The following GLI3 variants were observed in gnomAD, a reference collection of about 807,000 sequenced individuals.
GLI3 encodes transcription activator GLI3.
GLI3 carries 20 observed loss-of-function variants against 100.8 expected under a neutral mutation model. The ratio of observed to expected loss-of-function variants is 0.20; its 90% CI spans 0.14 to 0.29. The LOEUF (loss-of-function observed/expected upper bound fraction) is 0.29. Among genes scored for constraint, GLI3 ranks in the 10% least tolerant of loss-of-function variants. The pLI is 1.00. For synonymous variants in GLI3, 938 were observed against 860.5 expected, an observed-to-expected ratio of 1.09 and a Z score of -1.58; for missense variants, 2,040 against 2,128.5, an observed-to-expected ratio of 0.96 and a Z score of 0.82.
chr7:42,183,933 T>C (rs1787668824), intron 2 of GLI3, among the ~76,000 whole-genome samples: 1 of 152,158 alleles, frequency 6.6e-6, no homozygotes, highest in East Asian at 1.9e-4. Flanking sequence ...GAGCCAGAAA[T>C]GTAAGCCTGG....
rs768158142 is a variant in GLI3 at position 41,964,630 on chromosome 7, G to A, written c.4443C>T (p.Ser1481=). ...TGCTTGTCACCTGATTAGCACCTGG[G>A]GAAAGTAACTCAGAGTTTTTGGCGC... ...GTSAKNSELL[S]PGANQVTSTV... Residue 1481 remains serine (S), a synonymous_variant, in exon 15 of 15, where the codon TCC becomes TCT. Transcript: ENST00000395925. The A allele has an allele frequency of 8.7e-6, 14 of 1,613,960 alleles. No individual in the cohort carries two copies. Among genetic ancestry groups the A allele is most frequent in the Non-Finnish European group, 1.2e-5 (14 of 1,179,916 alleles).
intron 4 of GLI3, among the ~76,000 whole-genome samples, chr7:42,069,084 C>T (rs1784734561): frequency 6.6e-6 from 1 of 152,152 alleles, no homozygotes; most frequent in African/African-American, 2.4e-5. Flanking sequence ...CGGCGGCTTC[C>T]GGTTCAGTGA....
Position 41,966,181 on chromosome 7 carries a change from G to A in GLI3, c.2892C>T (p.Leu964=), listed in dbSNP as rs1037278862. Residue 964 remains leucine, a synonymous_variant, in exon 15 of 15, where the codon CTC becomes CTT. Coordinates refer to ENST00000395925, the MANE Select transcript of GLI3 (RefSeq NM_000168.6). The surrounding 1 kb of genome is among the most constrained non-coding windows in gnomAD (Gnocchi z 5.8). ...CTGGAGGCAGGGCCACGCCAGGCTC[G>A]AGGGCATCCCCGAGCAGCGCCAGGC... ...KTRLALLGDA[L]EPGVALPPVH... is the part of the protein sequence containing the mutation. 4.4e-6 allele frequency: 7 copies of A among 1,603,586 alleles called. No individual in the cohort carries two copies. In the South Asian group the frequency reaches 4.4e-5, roughly 10 times the overall value.
chr7:42,205,097 C>G (rs901842770), intron 2 of GLI3, among the ~76,000 whole-genome samples: 1 of 152,182 alleles, frequency 6.6e-6, no homozygotes, highest in Non-Finnish European at 1.5e-5. Flanking sequence ...ACACCTCAGA[C>G]GGTGACACTT....
At position 41,965,949 on chromosome 7, in the gene GLI3, G is replaced by A. The variant is rs944758206; in HGVS notation, c.3124C>T (p.Arg1042Cys). ...GTGTAATTCTGAAGCACGAGACTGC[G>A]CTTCTCCGCGGACGTGGCCATCGCC... ...PPAMATSAEK[R>C]SLVLQNYTRP... is the part of the protein sequence containing the mutation. Residue 1042 changes from arginine (R) to cysteine (C), a missense_variant, in exon 15 of 15, where the codon CGC becomes TGC. By Grantham distance (180) the Arg-to-Cys change is radical. Around this residue, in one of 5 missense-constraint regions of GLI3, gnomAD observed 1,041 missense variants for 924.0 expected, o/e 1.13. Coordinates refer to ENST00000395925, the MANE Select transcript of GLI3 (RefSeq NM_000168.6). 6.2e-7 allele frequency: 1 copy of A among 1,611,700 alleles called. No homozygotes were observed.
intron 3 of GLI3, chr7:42,113,759 T>C (rs6463091): frequency 0.96 from 518,647 of 542,350 alleles, 249,024 homozygotes; most frequent in East Asian, 1. Flanking sequence ...CACTTCATTG[T>C]TGTTTTTGGA....
chr7:42,014,279 A>G (rs901611379), intron 10 of GLI3, among the ~76,000 whole-genome samples: 1 of 152,180 alleles, frequency 6.6e-6, no homozygotes. Flanking sequence ...CTCCCATGAC[A>G]TGGTGCTACT....
At chr7:41,971,395 A>G (rs1244862736) in intron 13 of GLI3, among the ~76,000 whole-genome samples, 3 of 152,220 alleles carry the variant, frequency 2.0e-5, no homozygotes, top group Non-Finnish European at 4.4e-5. Flanking sequence ...AATCCATTCT[A>G]CGCATGGCCA....
At chr7:42,131,784 A>G (rs1474687878) in intron 3 of GLI3, among the ~76,000 whole-genome samples, 1 of 152,224 alleles carries the variant, frequency 6.6e-6, no homozygotes, top group Non-Finnish European at 1.5e-5. Flanking sequence ...ACACTCTTTA[A>G]AGTTATAAAA....
intron 7 of GLI3, among the ~76,000 whole-genome samples, chr7:42,037,168 C>T (rs1345374495): frequency 6.6e-6 from 1 of 152,070 alleles, no homozygotes; most frequent in South Asian, 2.1e-4. Flanking sequence ...ATAATAACAC[C>T]ACTTGCTTTG....
chr7:42,005,016 C>T lies in GLI3; in HGVS notation c.1497+18452G>A, dbSNP rs548871796. The stretch of plus-strand genomic sequence containing the variant: ...TGGCAAAAAGAGTGGTGAGAAAAAC[C>T]GTAAATTACACACAACGATTCAGTG... On this transcript the variant is annotated intron_variant, in intron 10 of 14. Coordinates refer to ENST00000395925, the MANE Select transcript of GLI3 (RefSeq NM_000168.6). Among the ~76,000 whole-genome samples the T allele has an allele frequency of 3.3e-5, 5 of 151,944 alleles. No individual in the cohort carries two copies. In the East Asian group the frequency reaches 7.7e-4, roughly 23 times the overall value.
intron 10 of GLI3, among the ~76,000 whole-genome samples, chr7:41,983,628 C>T (rs985102027): frequency 1.1e-4 from 17 of 151,928 alleles, no homozygotes; most frequent in African/African-American, 2.4e-5. Context: ...CAAACTAATC[C>T]AACACATAGA....
chr7:42,052,510 G>C (rs370237489), intron 4 of GLI3, among the ~76,000 whole-genome samples: 2 of 152,198 alleles, frequency 1.3e-5, no homozygotes, highest in African/African-American at 2.4e-5. Flanking sequence ...CCTCACTCAA[G>C]CATCAGTTTC....
chr7:41,966,017 G>A lies in GLI3; in HGVS notation c.3056C>T (p.Pro1019Leu), dbSNP rs769027198. ...VRTGSEGLALPRVPRFSSLSS... is the reference protein window; with the variant it reads ...VRTGSEGLALLRVPRFSSLSS... ...GAGGCTGCTGAAGCGCGGCACACGA[G>A]GCAGGGCCAGGCCCTCGGAGCCTGT... The change falls in exon 15 of 15, where the codon CCT becomes CTT. Residue 1019 changes from proline to leucine, a missense_variant. Pro to Leu is a moderately conservative substitution (Grantham distance 98, BLOSUM62 -3). Transcript: ENST00000395925. This position sits in a 1 kb window ranked among gnomAD's most constrained non-coding sequence, Gnocchi z 5.8. 6.3e-7 allele frequency: 1 copy of A among 1,597,028 alleles called. No homozygotes were observed. The highest frequency in any genetic ancestry group is 8.5e-7 in the Non-Finnish European group (1 of 1,177,722).
chr7:42,221,536 TCACACA>T (rs1042408404), intron 2 of GLI3, among the ~76,000 whole-genome samples: 1 of 151,868 alleles, frequency 6.6e-6, no homozygotes, highest in South Asian at 2.1e-4. Flanking sequence ...ACACATATCC[TCACACA>T]CTCACACTCA....
In GLI3 at chr7:42,132,336, C is replaced by A. The variant is rs180773637; in HGVS notation, c.367+15890G>T. On this transcript the variant is annotated intron_variant, in intron 3 of 14. Transcript: ENST00000395925. Reference sequence around the variant, plus strand: ...AGGATGGTCTCGATCTCCTGACCTCCTGATCCGCCCGCCTTGACCTCCCAA... The same window carrying A: ...AGGATGGTCTCGATCTCCTGACCTCATGATCCGCCCGCCTTGACCTCCCAA... Among the ~76,000 whole-genome samples, 36 of 151,894 alleles carry A rather than the reference C, an allele frequency of 2.4e-4. 1 individual carries two copies. The highest frequency in any genetic ancestry group is 9.8e-4 in the Admixed American group (15 of 15,254).
chr7:41,967,274 AT>A (rs1787210667), intron 14 of GLI3, among the ~76,000 whole-genome samples: 1 of 152,204 alleles, frequency 6.6e-6, no homozygotes, highest in South Asian at 2.1e-4. Flanking sequence ...GTGGTTTTAA[AT>A]TTTGGAAACC....
chr7:42,124,758 C>T (rs1205830845), intron 3 of GLI3, among the ~76,000 whole-genome samples: 1 of 152,186 alleles, frequency 6.6e-6, no homozygotes, highest in African/African-American at 2.4e-5. Context: ...ATTTCTGAGA[C>T]TCAAGAGATA....
intron 12 of GLI3, among the ~76,000 whole-genome samples, chr7:41,975,588 C>T (rs1191743156): frequency 6.6e-6 from 1 of 152,166 alleles, no homozygotes; most frequent in Non-Finnish European, 1.5e-5. Context: ...CATTACTACC[C>T]AAGATATCCT....
Sources: allele counts gnomAD v4.1 joint callset (sites outside exome capture counted in the v4.1 genomes callset), GRCh38; gene constraint gnomAD v4.1.1; regional missense constraint gnomAD v4.1.1; non-coding constraint Gnocchi (gnomAD v3.1); transcripts MANE v1.5; gene names NCBI Gene and HGNC (gene_info 2026-07-23, HGNC 2026-07-21).